Variants in UBR3 observed in about 807,000 individuals in gnomAD.
UBR3 encodes the protein E3 ubiquitin-protein ligase UBR3.
UBR3 carries 85 observed loss-of-function variants against 243.2 expected under a neutral mutation model. The observed-to-expected ratio is 0.35, with a 90% CI of 0.29 to 0.42. The LOEUF (loss-of-function observed/expected upper bound fraction) is 0.42. UBR3 is among the 10% of genes least tolerant of loss of function. The pLI, the probability that UBR3 is intolerant of heterozygous loss-of-function variation, is 1.00. For missense variants in UBR3, 1,686 were observed against 2,300.8 expected, an observed-to-expected ratio of 0.73 and a Z score of 5.47; for synonymous variants, 748 against 799.8, an observed-to-expected ratio of 0.94 and a Z score of 1.09.
intron 1 of UBR3, among the ~76,000 whole-genome samples, chr2:169,857,585 G>GTT (rs55952322): frequency 1.4e-5 from 2 of 143,338 alleles, no homozygotes. Flanking sequence ...TCTGACTAAT[G>GTT]TTTTTTTTTT....
chr2:170,032,023 C>T (rs2090685988), intron 31 of UBR3, among the ~76,000 whole-genome samples: 1 of 151,960 alleles, frequency 6.6e-6, no homozygotes, highest in Admixed American at 6.6e-5. Context: ...GATTTATTTT[C>T]TTTTGGATAG....
intron 1 of UBR3, among the ~76,000 whole-genome samples, chr2:169,864,990 G>T (rs1347525027): frequency 2.0e-5 from 3 of 151,970 alleles, no homozygotes; most frequent in Admixed American, 2.0e-4. Flanking sequence ...GGAGACTGAG[G>T]CAGGAGAATT....
At chr2:169,937,257 GTGA>G (rs560128269) in intron 19 of UBR3, among the ~76,000 whole-genome samples, 36 of 152,212 alleles carry the variant, frequency 2.4e-4, no homozygotes, top group Non-Finnish European at 4.1e-4. Flanking sequence ...CTGATGGCCA[GTGA>G]TGATGAGCAT....
chr2:169,881,237 T>C (rs1167458854), intron 5 of UBR3, among the ~76,000 whole-genome samples: 1 of 152,082 alleles, frequency 6.6e-6, no homozygotes, highest in Non-Finnish European at 1.5e-5. Context: ...TGGAGTGCAG[T>C]GGCATGATCT....
chr2:170,040,134 CATTTT>C (rs2090930562), intron 31 of UBR3, among the ~76,000 whole-genome samples: 1 of 152,018 alleles, frequency 6.6e-6, no homozygotes, highest in Non-Finnish European at 1.5e-5. Flanking sequence ...AAAGTTGAAA[CATTTT>C]ATTTTATTAT....
intron 24 of UBR3, among the ~76,000 whole-genome samples, chr2:169,984,692 A>C (rs62171983): frequency 7.6e-4 from 116 of 152,312 alleles, no homozygotes; most frequent in Non-Finnish European, 1.2e-3. Context: ...ATATATTACC[A>C]ATAACATTTT....
At chr2:169,943,059 G>A (rs1331958185) in intron 20 of UBR3, among the ~76,000 whole-genome samples, 3 of 152,142 alleles carry the variant, frequency 2.0e-5, no homozygotes, top group Admixed American at 6.5e-5. Flanking sequence ...GGAAAGTGAC[G>A]TGGAAGGATT....
intron 31 of UBR3, among the ~76,000 whole-genome samples, chr2:170,032,852 C>T (rs1450808249): frequency 6.6e-6 from 1 of 151,756 alleles, no homozygotes; most frequent in Non-Finnish European, 1.5e-5. Context: ...TTATTTTACC[C>T]TTCGTAATTA....
chr2:169,857,064 G>GTTTTGTTTTTTGT (rs1255937396), intron 1 of UBR3, among the ~76,000 whole-genome samples: 2 of 56,082 alleles, frequency 3.6e-5, no homozygotes, highest in Non-Finnish European at 6.4e-5. Context: ...ATTTTATTAT[G>GTTTTGTTTTTTGT]TTTTTTTTTT....
Position 169,924,012 on chromosome 2 carries a change from C to A in UBR3, c.1932+18C>A. 6.5e-7 allele frequency: 1 copy of A among 1,529,144 alleles called. No individual in the cohort carries two copies. The highest frequency in any genetic ancestry group is 8.8e-7 in the Non-Finnish European group (1 of 1,139,754). 94.7% of individuals were successfully genotyped at this position (1,529,144 alleles called of 1,614,324 possible). On this transcript the variant is annotated intron_variant, in intron 12 of 38. Coordinates refer to ENST00000272793, the MANE Select transcript of UBR3 (RefSeq NM_172070.4). ...TGAGTAAGGTAAGACTGTCATTAAA[C>A]AATTCTGTTCTTTTTTTTTTAATTT...
intron 10 of UBR3, among the ~76,000 whole-genome samples, 160 bp downstream of exon 10, chr2:169,906,324 A>G (rs1438227022): frequency 1.3e-5 from 2 of 152,204 alleles, no homozygotes; most frequent in Admixed American, 1.3e-4. Flanking sequence ...ATTCTTAGGC[A>G]GTTTGGAATT....
chr2:169,890,234 C>G (rs1414337337), intron 5 of UBR3, among the ~76,000 whole-genome samples: 1 of 152,012 alleles, frequency 6.6e-6, no homozygotes, highest in African/African-American at 2.4e-5. Flanking sequence ...AAGAGGTGCA[C>G]CACTACTTTT....
At chr2:170,008,146 T>G (rs2105405525) in intron 28 of UBR3, among the ~76,000 whole-genome samples, 1 of 152,324 alleles carries the variant, frequency 6.6e-6, no homozygotes, top group Middle Eastern at 3.4e-3. Flanking sequence ...TAGGATTTGT[T>G]TGGTCTAAAT....
chr2:169,838,700 A>G (rs114627329), intron 1 of UBR3, among the ~76,000 whole-genome samples: 343 of 152,314 alleles, frequency 2.3e-3, no homozygotes, highest in Non-Finnish European at 3.5e-3. Flanking sequence ...TTTCACATAC[A>G]AATACATTCA....
chr2:169,839,987 C>T (rs567471841), intron 1 of UBR3, among the ~76,000 whole-genome samples: 1 of 152,304 alleles, frequency 6.6e-6, no homozygotes, highest in South Asian at 2.1e-4. Flanking sequence ...CACTGTCTTA[C>T]AACTAAGAGT....
intron 26 of UBR3, among the ~76,000 whole-genome samples, chr2:169,994,771 A>G (rs2089418821): frequency 6.6e-6 from 1 of 152,234 alleles, no homozygotes; most frequent in Admixed American, 6.5e-5. Flanking sequence ...ATGAGAAAAA[A>G]ATAAATTCCC....
chr2:169,993,464 G>C (rs1260002858), intron 25 of UBR3, among the ~76,000 whole-genome samples: 1 of 152,150 alleles, frequency 6.6e-6, no homozygotes, highest in Non-Finnish European at 1.5e-5. Context: ...ATTTAGAACA[G>C]TTTCTCTAGC....
intron 24 of UBR3, among the ~76,000 whole-genome samples, chr2:169,959,328 A>G (rs2087457055): frequency 6.6e-6 from 1 of 151,940 alleles, no homozygotes; most frequent in African/African-American, 2.4e-5. Flanking sequence ...TATAACTTTG[A>G]CAGAAAGAAT....
intron 26 of UBR3, among the ~76,000 whole-genome samples, chr2:169,997,848 A>G (rs2105397384): frequency 6.6e-6 from 1 of 152,252 alleles, no homozygotes; most frequent in African/African-American, 2.4e-5. Context: ...GTGCATGCTG[A>G]ATGATCCATG....
Sources: allele counts gnomAD v4.1 joint callset (sites outside exome capture counted in the v4.1 genomes callset), GRCh38; gene constraint gnomAD v4.1.1; transcripts MANE v1.5; gene names NCBI Gene and HGNC (gene_info 2026-07-23, HGNC 2026-07-21).